PRELID2: variants seen among roughly 807,000 people sequenced by gnomAD.
PRELID2 encodes PRELI domain-containing protein 2.
A neutral mutation model predicts 28.4 loss-of-function variants in PRELID2; 25 were observed. The ratio of observed to expected loss-of-function variants is 0.88; its 90% CI spans 0.64 to 1.23. The LOEUF (loss-of-function observed/expected upper bound fraction) is 1.23, where lower values mean the gene tolerates loss of function less well. Ranked by LOEUF, PRELID2 falls within the 50% of genes most tolerant of loss-of-function variation. PRELID2 has a pLI of 0.00. For synonymous variants in PRELID2, 76 were observed against 71.6 expected (o/e 1.06, Z -0.31); for missense variants, 201 against 214.4 (o/e 0.94, Z 0.39).
chr5:145,677,157 T>G (rs1268176872), intron 1 of PRELID2, among the ~76,000 whole-genome samples: 25 of 146,936 alleles, frequency 1.7e-4, no homozygotes, highest in Admixed American at 8.1e-4. Flanking sequence ...TTTTGGTTTT[T>G]TTTTTTTTTT....
the PRELID2 span, among the ~76,000 whole-genome samples, chr5:145,272,925 C>T: frequency 6.6e-6 from 1 of 152,112 alleles, no homozygotes; most frequent in East Asian, 1.9e-4. Flanking sequence ...GAATCAGCAC[C>T]TTCTGGAGAG....
At chr5:145,359,826 A>G in the PRELID2 span, among the ~76,000 whole-genome samples, 2 of 152,178 alleles carry the variant, frequency 1.3e-5, no homozygotes, top group Non-Finnish European at 2.9e-5. Flanking sequence ...CTTGCATGTT[A>G]AGTTATAAAC....
intron 1 of PRELID2, among the ~76,000 whole-genome samples, chr5:145,742,167 T>A (rs1352991887): frequency 6.1e-5 from 7 of 114,290 alleles, no homozygotes; most frequent in South Asian, 2.6e-4. Flanking sequence ...ATAAATTTAT[T>A]TATTAATTAT....
At chr5:145,473,460 T>C (rs1752071439) in intron 1 of PRELID2, 1 of 152,194 alleles carries the variant, frequency 6.6e-6, no homozygotes, top group Admixed American at 6.6e-5. Flanking sequence ...ATGATGTCAT[T>C]AATCCTCACA....
downstream of PRELID2, among the ~76,000 whole-genome samples, chr5:145,755,508 C>T (rs911533936): frequency 3.0e-4 from 46 of 152,244 alleles, no homozygotes; most frequent in African/African-American, 1.0e-3. Flanking sequence ...TAAAGGCAAC[C>T]AATTTTTCTT....
the PRELID2 span, among the ~76,000 whole-genome samples, chr5:145,335,528 G>A: frequency 6.6e-6 from 1 of 152,054 alleles, no homozygotes; most frequent in East Asian, 1.9e-4. Flanking sequence ...AACTTCTTGT[G>A]TTTTTCTGTT....
intron 5 of PRELID2, among the ~76,000 whole-genome samples, chr5:145,789,318 G>C (rs1349134511): frequency 6.6e-6 from 1 of 152,102 alleles, no homozygotes; most frequent in African/African-American, 2.4e-5. Flanking sequence ...TAATGGAATA[G>C]AATAGAGAGA....
At chr5:145,255,793 T>C in the PRELID2 span, among the ~76,000 whole-genome samples, 20 of 149,934 alleles carry the variant, frequency 1.3e-4, no homozygotes, top group East Asian at 3.9e-3. Context: ...AAACTATATA[T>C]ATATGTTATT....
At chr5:145,601,105 A>G (rs1753390077) in intron 1 of PRELID2, among the ~76,000 whole-genome samples, 1 of 152,196 alleles carries the variant, frequency 6.6e-6, no homozygotes, top group South Asian at 2.1e-4. Flanking sequence ...ACAGTGAACT[A>G]TGATTGTGTC....
intron 1 of PRELID2, among the ~76,000 whole-genome samples, chr5:145,568,704 AATG>A (rs1752990003): frequency 6.6e-6 from 1 of 152,214 alleles, no homozygotes; most frequent in Admixed American, 6.5e-5. Flanking sequence ...CCTCATAAAT[AATG>A]ATGAAATCTT....
intron 1 of PRELID2, among the ~76,000 whole-genome samples, chr5:145,480,300 T>G (rs549701030): frequency 2.4e-4 from 36 of 152,182 alleles, no homozygotes; most frequent in Non-Finnish European, 4.0e-4. Flanking sequence ...ATGTATTTGC[T>G]TATTGTACCT....
chr5:145,241,174 TA>T, the PRELID2 span, among the ~76,000 whole-genome samples: 2 of 152,054 alleles, frequency 1.3e-5, no homozygotes, highest in African/African-American at 4.8e-5. Context: ...ACAACTAAAT[TA>T]ATTTTTCAGC....
the PRELID2 span, among the ~76,000 whole-genome samples, chr5:145,403,372 C>T: frequency 1.5e-3 from 222 of 152,166 alleles, 1 homozygote; most frequent in African/African-American, 5.2e-3. Flanking sequence ...ACCCCATTTC[C>T]TTATTAAAAA....
intron 5 of PRELID2, among the ~76,000 whole-genome samples, chr5:145,788,039 C>T (rs1307363762): frequency 6.6e-6 from 1 of 152,120 alleles, no homozygotes; most frequent in African/African-American, 2.4e-5. Flanking sequence ...TGAGCACCTG[C>T]AGAGCATCAG....
the PRELID2 span, among the ~76,000 whole-genome samples, chr5:145,278,147 C>T: frequency 6.6e-6 from 1 of 152,150 alleles, no homozygotes; most frequent in African/African-American, 2.4e-5. Context: ...TTTGAATCCT[C>T]ACACTTTTGT....
chr5:145,483,884 T>G (rs552007594), intron 1 of PRELID2, among the ~76,000 whole-genome samples: 3 of 152,348 alleles, frequency 2.0e-5, no homozygotes, highest in African/African-American at 7.2e-5. Context: ...AGTGAGTGTT[T>G]CCCTTGTCTG....
At chr5:145,526,328 G>T (rs1194320073) in intron 1 of PRELID2, among the ~76,000 whole-genome samples, 1 of 152,200 alleles carries the variant, frequency 6.6e-6, no homozygotes, top group Non-Finnish European at 1.5e-5. Context: ...ACACTGTCAA[G>T]AGAGCATAAT....
the PRELID2 span, among the ~76,000 whole-genome samples, chr5:145,422,020 A>G: frequency 6.7e-6 from 1 of 148,324 alleles, no homozygotes; most frequent in Non-Finnish European, 1.5e-5. Context: ...CAGGTTGTTC[A>G]GTTTCCATGT....
At chr5:145,377,471 G>A in the PRELID2 span, among the ~76,000 whole-genome samples, 7 of 152,180 alleles carry the variant, frequency 4.6e-5, no homozygotes, top group East Asian at 3.9e-4. Context: ...GGGAATTAAA[G>A]TCTCTCACTA....
Sources: allele counts gnomAD v4.1 joint callset (sites outside exome capture counted in the v4.1 genomes callset), GRCh38; gene constraint gnomAD v4.1.1; transcripts MANE v1.5; gene names NCBI Gene and HGNC (gene_info 2026-07-23, HGNC 2026-07-21).